The following ASPG variants were observed in gnomAD, a reference collection of about 807,000 sequenced individuals.
ASPG encodes asparaginase.
In ASPG, 53 loss-of-function variants were observed where a neutral mutation model predicts 63.2. The ratio of observed to expected loss-of-function variants is 0.84; its 90% CI spans 0.67 to 1.05. ASPG has a LOEUF of 1.05. ASPG is among the 50% of genes least tolerant of loss of function. ASPG has a pLI of 0.00. For missense variants in ASPG, 741 were observed against 794.4 expected (o/e 0.93, Z 0.81); for synonymous variants, 370 against 355.0 (o/e 1.04, Z -0.48).
Position 104,112,764 on chromosome 14 carries a change from T to C in ASPG, c.*220T>C. On this transcript the variant is annotated 3_prime_UTR_variant, in exon 16 of 16. Coordinates refer to ENST00000551177, the MANE Select transcript of ASPG (RefSeq NM_001080464.3). The stretch of plus-strand genomic sequence containing the variant: ...CTCTGTCTGGGTCCGGGACTGTGGA[T>C]GTGTGTGGGGAGTCAGGCCCAGGCT... 9.3e-7 allele frequency: 1 copy of C among 1,071,714 alleles called. No individual in the cohort carries two copies. Among genetic ancestry groups the C allele is most frequent in the Non-Finnish European group, 1.3e-6 (1 of 759,116 alleles). 66.4% of individuals were successfully genotyped at this position (1,071,714 alleles called of 1,614,324 possible). A position where few individuals can be genotyped will look rare whatever the true frequency, so the allele number is the denominator to read the frequency against.
chr14:104,091,220 A>G lies in ASPG; in HGVS notation c.83-1413A>G. Among the ~76,000 whole-genome samples, 1 of 151,726 alleles carries G rather than the reference A, an allele frequency of 6.6e-6. No homozygotes were observed. The highest frequency in any genetic ancestry group is 1.9e-4 in the East Asian group (1 of 5,166). ...AACCCACCATACATGAGACAGGGAC[A>G]CTTGGACACCGGTGTGGGGTGGACC... On this transcript the variant is annotated intron_variant, in intron 1 of 15. Coordinates refer to ENST00000551177, the MANE Select transcript of ASPG (RefSeq NM_001080464.3). This position sits in a 1 kb window ranked among gnomAD's most constrained non-coding sequence, Gnocchi z 6.4.
chr14:104,093,665 TGGGGCTGTGGTGTGTGGGTGGGGCTGTGG>T, intron 3 of ASPG, 63 bp downstream of exon 3: 1 of 610,786 alleles, frequency 1.6e-6, no homozygotes. Flanking sequence ...GGTGTGTGGG[TGGGGCTGTGGTGTGTGGGTGGGGCTGTGG>T]AGAGTGGGCA....
intron 6 of ASPG, among the ~76,000 whole-genome samples, chr14:104,099,467 C>A (rs559715654): frequency 6.6e-6 from 1 of 152,210 alleles, no homozygotes; most frequent in African/African-American, 2.4e-5. Flanking sequence ...GCCCCCTGGC[C>A]CTGGCTGTAG....
chr14:104,093,573 G>A lies in ASPG; in HGVS notation c.274G>A (p.Glu92Lys), dbSNP rs897631452. Reference sequence around the variant, plus strand: ...CGACTCCAGTGACATGACCATCGCTGAGTGGGTTTGCCTTGCCCAGACCAT... The same window carrying A: ...CGACTCCAGTGACATGACCATCGCTAAGTGGGTTTGCCTTGCCCAGACCAT... ...LFDSSDMTIA[E>K]WVCLAQTIKR... Residue 92 changes from glutamate to lysine, a missense_variant, in exon 3 of 16, where the codon GAG becomes AAG. Coordinates refer to ENST00000551177, the MANE Select transcript of ASPG (RefSeq NM_001080464.3). 6 of 1,611,784 alleles carry A rather than the reference G, an allele frequency of 3.7e-6. No homozygotes were observed. Among genetic ancestry groups the A allele is most frequent in the African/African-American group, 1.3e-5 (1 of 74,832 alleles).
Position 104,114,726 on chromosome 14 carries a change from T to C in ASPG, c.*2182T>C, listed in dbSNP as rs1276177176. 6.6e-6 allele frequency: 1 copy of C among 152,292 alleles called. No homozygotes were observed. Among genetic ancestry groups the C allele is most frequent in the Non-Finnish European group, 1.5e-5 (1 of 68,112 alleles). 9.4% of individuals were successfully genotyped at this position (152,292 alleles called of 1,614,324 possible). Reference sequence around the variant, plus strand: ...TGGGAACAGCCGGGACAGACAGGCTTGGAGCGTTCGTGTCCTGCGCCGCGT... The same window carrying C: ...TGGGAACAGCCGGGACAGACAGGCTCGGAGCGTTCGTGTCCTGCGCCGCGT... On this transcript the variant is annotated 3_prime_UTR_variant, in exon 16 of 16. Transcript: ENST00000551177.
At chr14:104,099,763 C>T (rs777575722) in intron 6 of ASPG, among the ~76,000 whole-genome samples, 6 of 152,218 alleles carry the variant, frequency 3.9e-5, no homozygotes, top group Non-Finnish European at 7.4e-5. Flanking sequence ...GCCCTGGCCC[C>T]CTGCTGTTTC....
chr14:104,089,778 G>A (rs568277939), intron 1 of ASPG, among the ~76,000 whole-genome samples: 3 of 151,882 alleles, frequency 2.0e-5, no homozygotes, highest in East Asian at 3.9e-4. Context: ...GCGAAACCCC[G>A]TCTCTACTAA....
intron 11 of ASPG, 21 bp downstream of exon 11, chr14:104,106,915 G>A (rs1231590170): frequency 1.3e-6 from 2 of 1,555,226 alleles, no homozygotes; most frequent in Non-Finnish European, 1.7e-6. Flanking sequence ...CCCACCCTGG[G>A]GGCCCAGCCC....
chr14:104,099,558 C>T (rs1464499543), intron 6 of ASPG, among the ~76,000 whole-genome samples: 2 of 152,166 alleles, frequency 1.3e-5, no homozygotes, highest in East Asian at 3.9e-4. Flanking sequence ...AGTGGCCTGC[C>T]CGGAAGTCAC....
intron 1 of ASPG, among the ~76,000 whole-genome samples, chr14:104,089,741 G>A (rs554839573): frequency 4.6e-5 from 7 of 152,092 alleles, no homozygotes; most frequent in South Asian, 2.1e-4. Context: ...AGGCCAAGGC[G>A]GGTGGTTCAC....
intron 5 of ASPG, among the ~76,000 whole-genome samples, chr14:104,097,945 G>C (rs1427203395): frequency 6.4e-5 from 7 of 109,048 alleles, no homozygotes; most frequent in African/African-American, 2.2e-4. Flanking sequence ...TGGAGGTTCT[G>C]TGTTAGAGAT....
intron 6 of ASPG, among the ~76,000 whole-genome samples, chr14:104,099,961 C>T (rs1415002419): frequency 3.3e-5 from 5 of 152,166 alleles, no homozygotes; most frequent in African/African-American, 4.8e-5. Context: ...GGGGTGGAGG[C>T]GCCCCCTCAC....
At chr14:104,112,164 G>A (rs1379068234) in intron 15 of ASPG, among the ~76,000 whole-genome samples, 164 bp downstream of exon 15, 1 of 152,134 alleles carries the variant, frequency 6.6e-6, no homozygotes, top group Admixed American at 6.5e-5. Context: ...GATGTCCAGG[G>A]TGGAACACAG....
Position 104,104,440 on chromosome 14 carries a change from C to A in ASPG, c.890C>A (p.Thr297Asn). The change falls in exon 8 of 16, where the codon ACC (threonine) becomes AAC (asparagine). Residue 297 changes from threonine to asparagine, a missense_variant. Physicochemically the swap from Thr to Asn is moderately conservative, Grantham distance 65 (BLOSUM62 0). Transcript: ENST00000551177. The part of the protein sequence containing the change: ...TERGLVIVNC[T>N]HCLQGAVTTD... Reference sequence around the variant, plus strand: ...CGCGGCCTGGTCATCGTCAACTGTACCCACTGCCTCCAGGGGGCTGTGACC... The same window carrying A: ...CGCGGCCTGGTCATCGTCAACTGTAACCACTGCCTCCAGGGGGCTGTGACC... 1 of 1,612,568 alleles carries A rather than the reference C, an allele frequency of 6.2e-7. No homozygotes were observed. Among genetic ancestry groups the A allele is most frequent in the Non-Finnish European group, 8.5e-7 (1 of 1,179,790 alleles).
At position 104,091,402 on chromosome 14, in the gene ASPG, C is replaced by T. The variant is rs1016861983; in HGVS notation, c.83-1231C>T. Among the ~76,000 whole-genome samples, 6 of 152,182 alleles carry T rather than the reference C, an allele frequency of 3.9e-5. No individual in the cohort carries two copies. The highest frequency in any genetic ancestry group is 2.6e-4 in the Admixed American group (4 of 15,282). The stretch of plus-strand genomic sequence containing the variant: ...AAACATGTGCGGGCTCCGCCTCCCC[C>T]GTCTGCTGGCTGAGCCCTACTGGCG... On this transcript the variant is annotated intron_variant, in intron 1 of 15. Transcript: ENST00000551177. The surrounding 1 kb of genome is among the most constrained non-coding windows in gnomAD (Gnocchi z 6.4).
At chr14:104,101,988 G>A (rs952127217) in intron 6 of ASPG, among the ~76,000 whole-genome samples, 5 of 152,160 alleles carry the variant, frequency 3.3e-5, no homozygotes, top group Non-Finnish European at 7.3e-5. Flanking sequence ...AGCAGGCCTG[G>A]GCAGGAAGGA....
chr14:104,098,466 G>A (rs1264296981), intron 5 of ASPG, among the ~76,000 whole-genome samples: 1 of 152,176 alleles, frequency 6.6e-6, no homozygotes, highest in Non-Finnish European at 1.5e-5. Flanking sequence ...CATTCACCGT[G>A]GGCAGGGGCC....
rs201713719 is a variant in ASPG, at chr14:104,095,481, A to T, written c.304-50A>T. ...TTTCCCCCATGCTGCAACCTCCCCC[A>T]CACCTGCTTGCGAGGGGCTGGCCTG... On this transcript the variant is annotated intron_variant, in intron 3 of 15. Coordinates refer to ENST00000551177, the MANE Select transcript of ASPG (RefSeq NM_001080464.3). 6.1e-4 allele frequency: 987 copies of T among 1,608,560 alleles called. 1 individual carries two copies. Among genetic ancestry groups the T allele is most frequent in the Non-Finnish European group, 7.5e-4 (888 of 1,178,786 alleles).
rs1478125704 is a variant in ASPG at position 104,098,985 on chromosome 14, C to T, written c.640+6C>T. On this transcript the variant is annotated splice_donor_region_variant and intron_variant, in intron 6 of 15. Transcript: ENST00000551177. ...AGTGGGTGCTGACATCACAAGTAAG[C>T]CCCGCAGGAGCAGGGCCAGGTGCCT... 6.3e-7 allele frequency: 1 copy of T among 1,582,302 alleles called. No individual in the cohort carries two copies. The highest frequency in any genetic ancestry group is 8.6e-7 in the Non-Finnish European group (1 of 1,163,640).
Sources: gnomAD v4.1 joint callset for allele counts (sites outside exome capture counted in the v4.1 genomes callset) on GRCh38, gnomAD v4.1.1 for gene constraint, Gnocchi (gnomAD v3.1) non-coding constraint, MANE v1.5 for transcripts, NCBI Gene and HGNC (gene_info 2026-07-23, HGNC 2026-07-21) for gene names.